Variants in KCNQ5 observed in about 807,000 individuals in gnomAD.
The protein encoded by KCNQ5 is potassium voltage-gated channel subfamily KQT member 5.
A neutral mutation model predicts 98.2 loss-of-function variants in KCNQ5; 30 were observed. The observed-to-expected ratio is 0.31, with a 90% CI of 0.23 to 0.41. The LOEUF is 0.41. Ranked by LOEUF, KCNQ5 falls within the 10% of genes least tolerant of loss-of-function variation. KCNQ5 has a pLI of 1.00. For missense variants in KCNQ5, 835 were observed against 1,182.5 expected, an observed-to-expected ratio of 0.71 and a Z score of 4.31; for synonymous variants, 458 against 449.4, an observed-to-expected ratio of 1.02 and a Z score of -0.24.
chr6:73,170,420 C>CCACACACACACA (rs57867720), intron 11 of KCNQ5, among the ~76,000 whole-genome samples: 15 of 140,934 alleles, frequency 1.1e-4, no homozygotes, highest in African/African-American at 3.2e-4. Context: ...ACCTTTCCCA[C>CCACACACACACA]CACACACACA....
At chr6:73,135,851 G>GTA (rs1275636480) in intron 10 of KCNQ5, 3 of 152,144 alleles carry the variant, frequency 2.0e-5, no homozygotes, top group Non-Finnish European at 4.4e-5. Flanking sequence ...GGCTTTAGAT[G>GTA]GTCTTCTCCC....
chr6:73,052,068 A>T (rs1488806557), intron 3 of KCNQ5, among the ~76,000 whole-genome samples: 1 of 152,038 alleles, frequency 6.6e-6, no homozygotes, highest in Non-Finnish European at 1.5e-5. Flanking sequence ...GAGCTGAAAA[A>T]CTCACTTCAA....
chr6:72,763,405 A>T (rs1303414761), intron 1 of KCNQ5, among the ~76,000 whole-genome samples: 3 of 152,058 alleles, frequency 2.0e-5, no homozygotes, highest in Admixed American at 6.6e-5. Context: ...TCCCACACAT[A>T]GACTCATCTC....
intron 1 of KCNQ5, among the ~76,000 whole-genome samples, chr6:72,945,511 GT>G (rs1255210908): frequency 6.7e-6 from 1 of 148,818 alleles, no homozygotes; most frequent in East Asian, 2.0e-4. Flanking sequence ...CTGGAGTGCA[GT>G]GGTGCAATCT....
In KCNQ5 at chr6:73,190,588, T is replaced by A; in HGVS notation, c.1593T>A (p.His531Gln). ...VIRAIRIMKFHVAKRKFKETL... is the reference protein window; with the variant it reads ...VIRAIRIMKFQVAKRKFKETL... ...TCTCATACAGAATTATGAAATTTCA[T>A]GTTGCAAAACGGAAGTTTAAGGAAA... Residue 531 changes from histidine (H) to glutamine (Q), a missense_variant, in exon 12 of 14, where the codon CAT becomes CAA. This residue lies in a region of KCNQ5 where 146 missense variants were observed against 256.7 expected (regional missense o/e 0.57). Transcript: ENST00000370398. 1 of 1,508,766 alleles carries A rather than the reference T, an allele frequency of 6.6e-7. No homozygotes were observed. Among genetic ancestry groups the A allele is most frequent in the Non-Finnish European group, 9.0e-7 (1 of 1,106,312 alleles). 93.5% of individuals were successfully genotyped at this position (1,508,766 alleles called of 1,614,324 possible). A position where few individuals can be genotyped will look rare whatever the true frequency, so the allele number is the denominator to read the frequency against.
At chr6:72,686,120 C>G (rs1218746326) in intron 1 of KCNQ5, among the ~76,000 whole-genome samples, 1 of 152,188 alleles carries the variant, frequency 6.6e-6, no homozygotes, top group Non-Finnish European at 1.5e-5. Context: ...AATGTCTCAC[C>G]TCCTAATAAT....
At chr6:72,700,137 T>A (rs548304878) in intron 1 of KCNQ5, among the ~76,000 whole-genome samples, 1 of 152,350 alleles carries the variant, frequency 6.6e-6, no homozygotes, top group South Asian at 2.1e-4. Flanking sequence ...GTTATTATTA[T>A]GTTTAGGCAT....
chr6:73,120,636 A>G, intron 8 of KCNQ5, 59 bp downstream of exon 8: 1 of 1,074,464 alleles, frequency 9.3e-7, no homozygotes, highest in Non-Finnish European at 1.4e-6. Flanking sequence ...TGTTAAACAA[A>G]CCATACCCAC....
At chr6:73,027,607 A>T (rs1770947278) in intron 2 of KCNQ5, among the ~76,000 whole-genome samples, 2 of 152,194 alleles carry the variant, frequency 1.3e-5, no homozygotes, top group Non-Finnish European at 2.9e-5. Context: ...TTATTCCATT[A>T]ATTGTTTAAA....
chr6:72,784,422 G>A (rs1342148431), intron 1 of KCNQ5, among the ~76,000 whole-genome samples: 2 of 152,190 alleles, frequency 1.3e-5, no homozygotes, highest in Non-Finnish European at 2.9e-5. Flanking sequence ...GTGGAGGGGA[G>A]AAGACTTTTA....
intron 1 of KCNQ5, among the ~76,000 whole-genome samples, chr6:72,981,529 C>G (rs1768450179): frequency 6.6e-6 from 1 of 151,736 alleles, no homozygotes; most frequent in South Asian, 2.1e-4. Context: ...TTTATTGCAT[C>G]TATTTGATTC....
At chr6:73,115,592 A>G (rs2150432893) in intron 7 of KCNQ5, among the ~76,000 whole-genome samples, 1 of 152,322 alleles carries the variant, frequency 6.6e-6, no homozygotes, top group African/African-American at 2.4e-5. Context: ...CTCATTAGTA[A>G]TCCAAAAATT....
rs559247106 is a variant in KCNQ5, at chr6:72,899,037, T to C, written c.399-104871T>C. On this transcript the variant is annotated intron_variant, in intron 1 of 13. Coordinates refer to ENST00000370398, the MANE Select transcript of KCNQ5 (RefSeq NM_019842.4). ...TTGATAGGGTTCTTTGTTTTTTTCT[T>C]GTGAATTTGTTTAAGTTCCTTATAA... Among the ~76,000 whole-genome samples, 101 of 152,328 alleles carry C rather than the reference T, an allele frequency of 6.6e-4. 1 individual carries two copies. Among genetic ancestry groups the C allele is most frequent in the Non-Finnish European group, 8.8e-4 (60 of 68,032 alleles).
At chr6:72,948,430 G>A (rs1375586947) in intron 1 of KCNQ5, among the ~76,000 whole-genome samples, 2 of 151,606 alleles carry the variant, frequency 1.3e-5, no homozygotes, top group African/African-American at 2.4e-5. Context: ...CATATAAACT[G>A]TTTTATTCAG....
chr6:72,815,387 T>C (rs1775459089), intron 1 of KCNQ5, among the ~76,000 whole-genome samples: 2 of 152,296 alleles, frequency 1.3e-5, no homozygotes, highest in South Asian at 4.1e-4. Context: ...AGGAAAGATG[T>C]GGAAGACCAA....
chr6:73,078,676 A>T (rs779967799), intron 5 of KCNQ5, among the ~76,000 whole-genome samples: 1 of 152,212 alleles, frequency 6.6e-6, no homozygotes, highest in Non-Finnish European at 1.5e-5. Flanking sequence ...AACCTCCACT[A>T]GGCAGAATTT....
At chr6:73,122,383 A>G (rs933653697) in intron 8 of KCNQ5, among the ~76,000 whole-genome samples, 3 of 152,208 alleles carry the variant, frequency 2.0e-5, no homozygotes, top group African/African-American at 7.2e-5. Flanking sequence ...AAATTCCCCC[A>G]GTAAATCAAC....
At chr6:72,977,671 A>G (rs1768221204) in intron 1 of KCNQ5, among the ~76,000 whole-genome samples, 1 of 152,048 alleles carries the variant, frequency 6.6e-6, no homozygotes, top group Admixed American at 6.6e-5. Flanking sequence ...TCAGTGAGAG[A>G]GACCTTCCCT....
Position 73,076,260 on chromosome 6 carries a change from T to C in KCNQ5, c.617-1062T>C, listed in dbSNP as rs547522546. Among the ~76,000 whole-genome samples, 5 of 152,334 alleles carry C rather than the reference T, an allele frequency of 3.3e-5. No homozygotes were observed. The South Asian group carries it at 1.0e-3, about 32-fold the overall frequency. On this transcript the variant is annotated intron_variant, in intron 3 of 13. Transcript: ENST00000370398. ...CTTATACAGCAGTTAATCCAGAGGATGACAGAAACATTACAAATGTGACAT... is the reference window on the plus strand; with the variant it reads ...CTTATACAGCAGTTAATCCAGAGGACGACAGAAACATTACAAATGTGACAT...
Sources: allele counts gnomAD v4.1 joint callset (sites outside exome capture counted in the v4.1 genomes callset), GRCh38; gene constraint gnomAD v4.1.1; regional missense constraint gnomAD v4.1.1; transcripts MANE v1.5; gene names NCBI Gene and HGNC (gene_info 2026-07-23, HGNC 2026-07-21).